Variants in QPCT observed in about 807,000 individuals in gnomAD.
The protein encoded by QPCT is glutaminyl-peptide cyclotransferase.
QPCT carries 44 observed loss-of-function variants against 43.4 expected under a neutral mutation model. That is an observed-to-expected ratio of 1.01 (90% CI 0.80 to 1.30). The LOEUF is 1.30. QPCT is among the 50% of genes most tolerant of loss of function. The pLI is 0.00. For missense variants in QPCT, 526 were observed against 436.5 expected, an observed-to-expected ratio of 1.21 and a Z score of -1.83; for synonymous variants, 168 against 168.4, an observed-to-expected ratio of 1.00 and a Z score of 0.02.
At position 37,372,405 on chromosome 2, in the gene QPCT, G is replaced by C; in HGVS notation, c.873G>C (p.Gly291=). Residue 291 remains glycine, a synonymous_variant, in exon 6 of 7, where the codon GGG becomes GGC. Transcript: ENST00000338415. ...LGLLKDHSLE[G]RYFQNYSYGG... ...TGCTCAAGGATCACTCTTTGGAGGG[G>C]CGGTATTTCCAGAATTACAGTTATG... The C allele has an allele frequency of 6.2e-7, 1 of 1,614,116 alleles. No individual in the cohort carries two copies.
intron 1 of QPCT, among the ~76,000 whole-genome samples, chr2:37,347,160 ATATAAC>A (rs1558599267): frequency 1.4e-5 from 1 of 69,800 alleles, no homozygotes; most frequent in East Asian, 1.3e-3. Flanking sequence ...ATATATATAT[ATATAAC>A]ATATATATAT....
At position 37,359,752 on chromosome 2, in the gene QPCT, C is replaced by T. The variant is rs1170268549; in HGVS notation, c.440C>T (p.Ser147Phe). The stretch of plus-strand genomic sequence containing the variant: ...TGCCACTATGACTCCAAGTATTTTT[C>T]CCACTGGAACAACAGAGTGTTTGTA... ...LACHYDSKYF[S>F]HWNNRVFVGA... The change falls in exon 3 of 7, where the codon TCC becomes TTC. Residue 147 changes from serine (S) to phenylalanine (F), a missense_variant. Transcript: ENST00000338415. 2.5e-6 allele frequency: 4 copies of T among 1,614,086 alleles called. No homozygotes were observed. The highest frequency in any genetic ancestry group is 1.1e-5 in the South Asian group (1 of 91,074).
intron 5 of QPCT, among the ~76,000 whole-genome samples, chr2:37,370,417 C>A (rs552801071): frequency 1.7e-4 from 26 of 152,266 alleles, no homozygotes; most frequent in African/African-American, 6.3e-4. Flanking sequence ...TTCCCAGAGT[C>A]CTGTTTGAAG....
At chr2:37,345,194 C>CA (rs1672457725) in intron 1 of QPCT, among the ~76,000 whole-genome samples, 1 of 152,192 alleles carries the variant, frequency 6.6e-6, no homozygotes, top group Non-Finnish European at 1.5e-5. Context: ...CGCCACCCCC[C>CA]ACTCGGGACC....
chr2:37,368,771 A>G (rs1302728094), intron 4 of QPCT: 1 of 451,962 alleles, frequency 2.2e-6, no homozygotes, highest in Non-Finnish European at 4.6e-6. Context: ...TTTATTTATC[A>G]GTCCAAATAT....
At chr2:37,349,048 G>T (rs1156908816) in intron 1 of QPCT, among the ~76,000 whole-genome samples, 1 of 152,120 alleles carries the variant, frequency 6.6e-6, no homozygotes, top group African/African-American at 2.4e-5. Flanking sequence ...ATGCTATTTA[G>T]GTTGGGAAAG....
chr2:37,367,139 C>A, intron 3 of QPCT, 93 bp from the exon 4 acceptor site: 6 of 1,346,796 alleles, frequency 4.5e-6, no homozygotes, highest in Non-Finnish European at 6.1e-6. Flanking sequence ...TTCTTTATGG[C>A]ACATCTATCT....
chr2:37,346,444 T>C (rs2372999), intron 1 of QPCT, among the ~76,000 whole-genome samples: 95,034 of 152,088 alleles, frequency 0.62, 30,543 homozygotes, highest in East Asian at 0.91. Flanking sequence ...TGTATCTTTG[T>C]GATACATCTA....
At chr2:37,371,203 C>T (rs1673066587) in intron 5 of QPCT, among the ~76,000 whole-genome samples, 1 of 151,958 alleles carries the variant, frequency 6.6e-6, no homozygotes, top group Non-Finnish European at 1.5e-5. Flanking sequence ...TTGATGGTAG[C>T]CTTGAGAAAC....
At chr2:37,366,815 C>T (rs960882254) in intron 3 of QPCT, among the ~76,000 whole-genome samples, 12 of 152,184 alleles carry the variant, frequency 7.9e-5, no homozygotes, top group Admixed American at 5.9e-4. Flanking sequence ...CCGTGTAGGT[C>T]AGCACTGGAT....
chr2:37,368,452 C>T, intron 4 of QPCT: 1 of 359,942 alleles, frequency 2.8e-6, no homozygotes, highest in South Asian at 2.1e-5. Context: ...TGCCTTCATC[C>T]CTCCCTGACG....
At chr2:37,372,242 T>G (rs964307384) in intron 5 of QPCT, 114 bp from the exon 6 acceptor site, 28 of 799,090 alleles carry the variant, frequency 3.5e-5, no homozygotes, top group Non-Finnish European at 5.2e-5. Context: ...TGCATAATCT[T>G]TTACAAATTA....
chr2:37,363,783 G>A (rs1160815142), intron 3 of QPCT, among the ~76,000 whole-genome samples: 3 of 151,790 alleles, frequency 2.0e-5, no homozygotes, highest in Admixed American at 1.3e-4. Context: ...GAGATAAGAG[G>A]AGACATTATA....
rs777244922 is a variant in QPCT at position 37,359,689 on chromosome 2, C to A, written c.377C>A (p.Thr126Asn). 10 of 1,614,102 alleles carry A rather than the reference C, an allele frequency of 6.2e-6. No individual in the cohort carries two copies. In the East Asian group the frequency reaches 1.8e-4, roughly 29 times the overall value. ...CGGTCTTTCTCAAATATCATCAGCA[C>A]CCTCAATCCCACTGCTAAACGACAT... The part of the protein sequence containing the change: ...GYRSFSNIIS[T>N]LNPTAKRHLV... The change falls in exon 3 of 7, where the codon ACC (threonine) becomes AAC (asparagine). Residue 126 changes from threonine to asparagine, a missense_variant. By Grantham distance (65) the Thr-to-Asn change is moderately conservative. Transcript: ENST00000338415.
At chr2:37,371,165 T>G (rs1436535875) in intron 5 of QPCT, among the ~76,000 whole-genome samples, 1 of 152,114 alleles carries the variant, frequency 6.6e-6, no homozygotes, top group Non-Finnish European at 1.5e-5. Context: ...CTTCTTGGGC[T>G]TCTTCCTTGC....
At chr2:37,355,354 C>A (rs1254415969) in intron 2 of QPCT, among the ~76,000 whole-genome samples, 1 of 151,970 alleles carries the variant, frequency 6.6e-6, no homozygotes, top group East Asian at 1.9e-4. Context: ...AGATTAGATC[C>A]TTTCATGTAG....
chr2:37,367,517 AGT>A (rs1672986530), intron 4 of QPCT, 109 bp downstream of exon 4: 1 of 1,123,260 alleles, frequency 8.9e-7, no homozygotes, highest in African/African-American at 1.6e-5. Context: ...CTTGGAGCAC[AGT>A]GTTTATGATA....
At position 37,372,496 on chromosome 2, in the gene QPCT, TTGTG is replaced by T. The variant is rs763247640; in HGVS notation, c.940+33_940+36del. The T allele has an allele frequency of 6.2e-6, 9 of 1,461,000 alleles. No homozygotes were observed. The Admixed American group carries it at 6.8e-5, about 11-fold the overall frequency. 90.5% of individuals were successfully genotyped at this position (1,461,000 alleles called of 1,614,324 possible). ...AGGTAATGTGTGTGTGTGTGTGTGTTTGTGTGTGTGTGCGTGCACAGCCTGATTT... is the reference window on the plus strand; with the variant it reads ...AGGTAATGTGTGTGTGTGTGTGTGTTTGTGTGTGCGTGCACAGCCTGATTT... On this transcript the variant is annotated intron_variant, in intron 6 of 6. Transcript: ENST00000338415.
At chr2:37,369,652 G>A (rs1673032382) in intron 4 of QPCT, 33 bp from the exon 5 acceptor site, 2 of 1,462,076 alleles carry the variant, frequency 1.4e-6, no homozygotes, top group African/African-American at 1.4e-5. Context: ...ACGTTTTGGT[G>A]ATGGTGATTA....
Sources: gnomAD v4.1 joint callset for allele counts (sites outside exome capture counted in the v4.1 genomes callset) on GRCh38, gnomAD v4.1.1 for gene constraint, MANE v1.5 for transcripts, NCBI Gene and HGNC (gene_info 2026-07-23, HGNC 2026-07-21) for gene names.